RBFOX3: variants seen among roughly 807,000 people sequenced by gnomAD.
RBFOX3 encodes RNA binding fox-1 homolog 3, also known as RNA binding protein fox-1 homolog 3.
Under a neutral mutation model 48.7 loss-of-function variants are expected in RBFOX3, and 17 were observed. The observed-to-expected ratio is 0.35, with a 90% confidence interval of 0.24 to 0.52. The LOEUF (loss-of-function observed/expected upper bound fraction) is 0.52, where lower values mean the gene tolerates loss of function less well. Ranked by LOEUF, RBFOX3 falls within the 20% of genes least tolerant of loss-of-function variation. The pLI is 0.94. For missense variants in RBFOX3, 382 were observed against 497.5 expected (o/e 0.77, Z 2.21); for synonymous variants, 212 against 209.5 (o/e 1.01, Z -0.10).
chr17:79,147,223 G>A (rs140538338), intron 4 of RBFOX3, among the ~76,000 whole-genome samples: 1,705 of 152,318 alleles, frequency 0.011, 11 homozygotes, highest in Non-Finnish European at 0.016. Flanking sequence ...CACAGGAGGC[G>A]CTGGCCATGT....
chr17:79,109,416 T>C (rs2029865608), intron 5 of RBFOX3, among the ~76,000 whole-genome samples: 1 of 152,192 alleles, frequency 6.6e-6, no homozygotes, highest in Non-Finnish European at 1.5e-5. Flanking sequence ...GACAGGGGTA[T>C]GCGGGAGGCT....
chr17:79,527,165 G>C (rs997146319), intron 1 of RBFOX3, among the ~76,000 whole-genome samples: 7 of 152,264 alleles, frequency 4.6e-5, no homozygotes, highest in Non-Finnish European at 8.8e-5. Flanking sequence ...CCCAGACAAA[G>C]GAGAATCCTT....
intron 2 of RBFOX3, among the ~76,000 whole-genome samples, chr17:79,441,388 G>C (rs2070879994): frequency 6.6e-6 from 1 of 152,204 alleles, no homozygotes; most frequent in African/African-American, 2.4e-5. Flanking sequence ...GGTGCAGATA[G>C]AGATGAGGCC....
At chr17:79,425,346 G>A (rs566818410) in intron 2 of RBFOX3, among the ~76,000 whole-genome samples, 1 of 151,970 alleles carries the variant, frequency 6.6e-6, no homozygotes, top group East Asian at 1.9e-4. Context: ...GGCCTGGGGG[G>A]GCTTGTGTGG....
intron 3 of RBFOX3, among the ~76,000 whole-genome samples, chr17:79,279,839 T>C (rs550671378): frequency 3.3e-5 from 5 of 151,876 alleles, no homozygotes; most frequent in South Asian, 2.1e-4. Context: ...CACTGAGAGG[T>C]TGGAAAAAAA....
rs544590239 is a variant in RBFOX3, at chr17:79,218,671, C to A, written c.-34+17095G>T. Among the ~76,000 whole-genome samples the A allele has an allele frequency of 2.6e-5, 4 of 152,086 alleles. No individual in the cohort carries two copies. The East Asian group carries it at 7.7e-4, about 29-fold the overall frequency. On this transcript the variant is annotated intron_variant, in intron 4 of 14. Coordinates refer to ENST00000693108, the MANE Select transcript of RBFOX3 (RefSeq NM_001350451.2). The stretch of plus-strand genomic sequence containing the variant: ...CAGGTCAGGGCCGGGAGCCGAGATG[C>A]AGGGAGGTCAGGGAACAGGGTTCCA...
At chr17:79,286,863 C>T (rs2072031112) in intron 3 of RBFOX3, among the ~76,000 whole-genome samples, 1 of 152,206 alleles carries the variant, frequency 6.6e-6, no homozygotes, top group Non-Finnish European at 1.5e-5. Flanking sequence ...CTGGTGCCCT[C>T]CTCAGACACT....
the RBFOX3 span, among the ~76,000 whole-genome samples, chr17:79,650,802 G>A: frequency 4.6e-5 from 7 of 152,256 alleles, no homozygotes; most frequent in South Asian, 6.2e-4. Context: ...TGCCATCGAC[G>A]TCAGCGCCCA....
At position 79,254,260 on chromosome 17, in the gene RBFOX3, G is replaced by A. The variant is rs1289518613; in HGVS notation, c.-73-18455C>T. On this transcript the variant is annotated intron_variant, in intron 3 of 14. Transcript: ENST00000693108. This position sits in a 1 kb window ranked among gnomAD's most constrained non-coding sequence, Gnocchi z 4.8. ...GGCTTCAGGGAGCAGGGCCCCTGAG[G>A]TCTGGAAGAGGCCAGCTGCTGCCCA... Among the ~76,000 whole-genome samples, 1 of 152,182 alleles carries A rather than the reference G, an allele frequency of 6.6e-6. No homozygotes were observed. Among genetic ancestry groups the A allele is most frequent in the Non-Finnish European group, 1.5e-5 (1 of 68,020 alleles).
At chr17:79,258,565 G>A (rs918644322) in intron 3 of RBFOX3, among the ~76,000 whole-genome samples, 6 of 152,160 alleles carry the variant, frequency 3.9e-5, no homozygotes, top group African/African-American at 1.2e-4. Context: ...GACCACTAAC[G>A]ACACTCAGGG....
Position 79,094,434 on chromosome 17 carries a change from G to T in RBFOX3, c.1077+17C>A. On this transcript the variant is annotated intron_variant, in intron 14 of 14. Transcript: ENST00000693108. ...TTAGGACTGGCACCCAGGGCTGGGC[G>T]GGCCTGGGCTCCTTACCATGGTTCC... 6.7e-7 allele frequency: 1 copy of T among 1,491,672 alleles called. No homozygotes were observed. Among genetic ancestry groups the T allele is most frequent in the Non-Finnish European group, 8.9e-7 (1 of 1,121,476 alleles). 92.4% of individuals were successfully genotyped at this position (1,491,672 alleles called of 1,614,324 possible). A position where few individuals can be genotyped will look rare whatever the true frequency, so the allele number is the denominator to read the frequency against.
chr17:79,127,926 G>A (rs1195055631), intron 4 of RBFOX3, among the ~76,000 whole-genome samples: 4 of 152,238 alleles, frequency 2.6e-5, no homozygotes, highest in Non-Finnish European at 4.4e-5. Flanking sequence ...CGCTGCCCCC[G>A]TCACGCTGCT....
chr17:79,198,632 T>C lies in RBFOX3; in HGVS notation c.-34+37134A>G, dbSNP rs993538937. Reference sequence around the variant, plus strand: ...CTGCTTTTGAACTTTCTCTCTCTCTTTTTTTTTTTTTAAGATGGAGTCTTG... The same window carrying C: ...CTGCTTTTGAACTTTCTCTCTCTCTCTTTTTTTTTTTAAGATGGAGTCTTG... On this transcript the variant is annotated intron_variant, in intron 4 of 14. Coordinates refer to ENST00000693108, the MANE Select transcript of RBFOX3 (RefSeq NM_001350451.2). The surrounding 1 kb of genome is among the most constrained non-coding windows in gnomAD (Gnocchi z 8.2). Among the ~76,000 whole-genome samples, 6 of 860 alleles carry C rather than the reference T, an allele frequency of 7.0e-3. No homozygotes were observed. The highest frequency in any genetic ancestry group is 0.071 in the East Asian group (1 of 14). 0.6% of individuals were successfully genotyped at this position (860 alleles called of 152,430 possible).
intron 5 of RBFOX3, among the ~76,000 whole-genome samples, chr17:79,109,660 A>C (rs1004251746): frequency 6.6e-6 from 1 of 152,202 alleles, no homozygotes; most frequent in Non-Finnish European, 1.5e-5. Flanking sequence ...CTCGGTGGAC[A>C]GGGATGTGCC....
intron 4 of RBFOX3, among the ~76,000 whole-genome samples, chr17:79,149,548 G>T (rs2043845920): frequency 6.6e-6 from 1 of 152,064 alleles, no homozygotes; most frequent in African/African-American, 2.4e-5. Flanking sequence ...AGTGGGTGGG[G>T]CAGTGGGAAG....
intron 2 of RBFOX3, among the ~76,000 whole-genome samples, chr17:79,428,532 G>A (rs1482893561): frequency 6.6e-6 from 1 of 152,230 alleles, no homozygotes; most frequent in Non-Finnish European, 1.5e-5. Flanking sequence ...CCACAGCCAT[G>A]CCAACCCACA....
chr17:79,241,741 G>A (rs1260360443), intron 3 of RBFOX3, among the ~76,000 whole-genome samples: 1 of 152,232 alleles, frequency 6.6e-6, no homozygotes, highest in Non-Finnish European at 1.5e-5. Context: ...AGGGAGCAGT[G>A]TGGTCAGGCG....
At chr17:79,117,158 C>T (rs555469106) in intron 4 of RBFOX3, among the ~76,000 whole-genome samples, 3 of 152,356 alleles carry the variant, frequency 2.0e-5, no homozygotes, top group Admixed American at 1.3e-4. Flanking sequence ...CCTGAGCAGG[C>T]GAGGCACTCG....
Position 79,143,381 on chromosome 17 carries a change from G to T in RBFOX3, c.-33-27633C>A, listed in dbSNP as rs866268426. On this transcript the variant is annotated intron_variant, in intron 4 of 14. Transcript: ENST00000693108. ...TGTCCTTGTTGGTGGAGCGGGGGGT[G>T]GGGGGGGGTTCTATAAATCCATCTC... Among the ~76,000 whole-genome samples, 5 of 39,520 alleles carry T rather than the reference G, an allele frequency of 1.3e-4. 1 individual carries two copies. The highest frequency in any genetic ancestry group is 6.3e-4 in the East Asian group (2 of 3,184). The allele number at this position is 39,520 out of a possible 152,430, so 25.9% of individuals were successfully genotyped here. A position where few individuals can be genotyped will look rare whatever the true frequency, so the allele number is the denominator to read the frequency against.
Sources: allele counts gnomAD v4.1 joint callset (sites outside exome capture counted in the v4.1 genomes callset), GRCh38; gene constraint gnomAD v4.1.1; non-coding constraint Gnocchi (gnomAD v3.1); transcripts MANE v1.5; gene names NCBI Gene and HGNC (gene_info 2026-07-23, HGNC 2026-07-21).